The following CPNE9 variants were observed in gnomAD, a reference collection of about 807,000 sequenced individuals.
CPNE9 encodes the protein copine-9.
CPNE9 carries 59 observed loss-of-function variants against 83.0 expected under a neutral mutation model. The observed-to-expected ratio is 0.71, with a 90% confidence interval of 0.58 to 0.88. The LOEUF is 0.88. Among genes scored for constraint, CPNE9 ranks in the 40% least tolerant of loss-of-function variants. The pLI is 0.00. For synonymous variants in CPNE9, 256 were observed against 273.4 expected, an observed-to-expected ratio of 0.94 and a Z score of 0.63; for missense variants, 619 against 720.8, an observed-to-expected ratio of 0.86 and a Z score of 1.62.
intron 7 of CPNE9, among the ~76,000 whole-genome samples, chr3:9,710,771 T>C (rs1401910905): frequency 6.6e-6 from 1 of 152,188 alleles, no homozygotes; most frequent in African/African-American, 2.4e-5. Flanking sequence ...ACGCCTGTAA[T>C]CAAAGCACTT....
At chr3:9,729,238 T>G (rs1559648174) in intron 20 of CPNE9, among the ~76,000 whole-genome samples, 1 of 152,168 alleles carries the variant, frequency 6.6e-6, no homozygotes. Flanking sequence ...CTGGACTGAT[T>G]TAGCAACACA....
At chr3:9,719,649 AATG>A (rs1416327955) in intron 17 of CPNE9, among the ~76,000 whole-genome samples, 1 of 152,154 alleles carries the variant, frequency 6.6e-6, no homozygotes, top group Non-Finnish European at 1.5e-5. Flanking sequence ...ATGCTCCATA[AATG>A]ATAAGTTAAA....
chr3:9,723,442 A>G (rs1167226481), intron 17 of CPNE9, among the ~76,000 whole-genome samples: 1 of 152,104 alleles, frequency 6.6e-6, no homozygotes, highest in Non-Finnish European at 1.5e-5. Context: ...ATTGCACTCC[A>G]GCCTGGGCAA....
At chr3:9,707,791 CAAAAAA>C (rs57310594) in intron 7 of CPNE9, among the ~76,000 whole-genome samples, 1 of 49,674 alleles carries the variant, frequency 2.0e-5, no homozygotes, top group Non-Finnish European at 3.7e-5. Flanking sequence ...ACAAAAAAGA[CAAAAAA>C]AAAAAAAAAA....
At chr3:9,727,222 G>T in intron 20 of CPNE9, 36 bp downstream of exon 20, 1 of 1,611,214 alleles carries the variant, frequency 6.2e-7, no homozygotes, top group Non-Finnish European at 8.5e-7. Context: ...GGAGCTGAGA[G>T]GCACAGTGAG....
intron 10 of CPNE9, among the ~76,000 whole-genome samples, chr3:9,714,158 A>G (rs577862974): frequency 6.6e-6 from 1 of 152,318 alleles, no homozygotes; most frequent in East Asian, 1.9e-4. Flanking sequence ...GAGTAGATGA[A>G]TGGTTATGCT....
intron 7 of CPNE9, among the ~76,000 whole-genome samples, chr3:9,707,398 G>A (rs2076575688): frequency 6.7e-6 from 1 of 149,152 alleles, no homozygotes. Context: ...GGTGGCCAAA[G>A]GTAGAAGCAG....
intron 17 of CPNE9, among the ~76,000 whole-genome samples, chr3:9,725,077 C>A (rs2076765594): frequency 6.6e-6 from 1 of 152,134 alleles, no homozygotes; most frequent in Non-Finnish European, 1.5e-5. Context: ...CTGGTACCGT[C>A]ATAGCAGTGT....
chr3:9,714,751 C>CT (rs1262409643), intron 10 of CPNE9, among the ~76,000 whole-genome samples, 163 bp from the exon 11 acceptor site: 1 of 150,848 alleles, frequency 6.6e-6, no homozygotes, highest in Admixed American at 6.6e-5. Flanking sequence ...CAGGCACAGA[C>CT]TGATGAATGA....
At chr3:9,705,523 G>A in intron 5 of CPNE9, 23 bp downstream of exon 5, 2 of 1,609,310 alleles carry the variant, frequency 1.2e-6, no homozygotes, top group Non-Finnish European at 1.7e-6. Flanking sequence ...TTCCTCGAGG[G>A]TTGGCGGAGC....
chr3:9,705,007 C>T lies in CPNE9; in HGVS notation c.260+13C>T, dbSNP rs765514923. 25 of 1,587,560 alleles carry T rather than the reference C, an allele frequency of 1.6e-5. No individual in the cohort carries two copies. Among genetic ancestry groups the T allele is most frequent in the Non-Finnish European group, 2.1e-5 (24 of 1,162,796 alleles). ...TGCGCTTCGATGTGTGAGGCCCCGC[C>T]TGGAATTCTGGCTTGGCCCGCCCCC... On this transcript the variant is annotated intron_variant, in intron 4 of 20. Coordinates refer to ENST00000383832, the MANE Select transcript of CPNE9 (RefSeq NM_153635.3).
At chr3:9,707,808 A>C (rs991672403) in intron 7 of CPNE9, among the ~76,000 whole-genome samples, 7 of 150,798 alleles carry the variant, frequency 4.6e-5, no homozygotes, top group Middle Eastern at 3.5e-3. Context: ...AAAAAAAAAA[A>C]CGTGAAGGAG....
At chr3:9,709,300 G>GAAAGA (rs1213064564) in intron 7 of CPNE9, among the ~76,000 whole-genome samples, 20 of 145,634 alleles carry the variant, frequency 1.4e-4, no homozygotes, top group East Asian at 4.2e-4. Context: ...AAAGAAAAAA[G>GAAAGA]AAAGAAAAGA....
intron 17 of CPNE9, among the ~76,000 whole-genome samples, chr3:9,723,165 G>A (rs1559644758): frequency 6.6e-6 from 1 of 152,172 alleles, no homozygotes; most frequent in Admixed American, 6.5e-5. Flanking sequence ...TCAGGAAGTG[G>A]GTAGGGGATG....
At chr3:9,709,040 G>A (rs1474923923) in intron 7 of CPNE9, among the ~76,000 whole-genome samples, 2 of 151,284 alleles carry the variant, frequency 1.3e-5, no homozygotes, top group Admixed American at 6.6e-5. Flanking sequence ...TTGGGAGGCC[G>A]AGGTGGGTGG....
At chr3:9,724,913 C>T (rs575959506) in intron 17 of CPNE9, among the ~76,000 whole-genome samples, 10 of 152,228 alleles carry the variant, frequency 6.6e-5, no homozygotes, top group Admixed American at 5.2e-4. Context: ...CCCACCACCA[C>T]GCCTGGCTAG....
chr3:9,713,930 G>A (rs1019164055), intron 10 of CPNE9, among the ~76,000 whole-genome samples: 10 of 151,930 alleles, frequency 6.6e-5, no homozygotes, highest in Non-Finnish European at 1.5e-4. Flanking sequence ...AAAATTAGCC[G>A]GGCGTGGTGG....
At chr3:9,712,640 C>T (rs2125464831) in intron 8 of CPNE9, 36 bp downstream of exon 8, 1 of 1,610,316 alleles carries the variant, frequency 6.2e-7, no homozygotes, top group Non-Finnish European at 8.5e-7. Flanking sequence ...CAGGAGCTCC[C>T]TTCTCTCCCC....
intron 17 of CPNE9, among the ~76,000 whole-genome samples, chr3:9,723,299 C>T (rs1287130334): frequency 1.3e-5 from 2 of 152,064 alleles, no homozygotes; most frequent in Non-Finnish European, 2.9e-5. Context: ...TGGTGAAACC[C>T]CGTCTCTACT....
Sources: gnomAD v4.1 joint callset for allele counts (sites outside exome capture counted in the v4.1 genomes callset) on GRCh38, gnomAD v4.1.1 for gene constraint, MANE v1.5 for transcripts, NCBI Gene and HGNC (gene_info 2026-07-23, HGNC 2026-07-21) for gene names.